LRP1B: variants seen among roughly 807,000 people sequenced by gnomAD.
The protein encoded by LRP1B is LDL receptor related protein 1B.
A neutral mutation model predicts 556.6 loss-of-function variants in LRP1B; 217 were observed. The ratio of observed to expected loss-of-function variants is 0.39; its 90% confidence interval spans 0.35 to 0.44. The LOEUF is 0.44. LRP1B is among the 20% of genes least tolerant of loss of function. The pLI, the probability that LRP1B is intolerant of heterozygous loss-of-function variation, is 1.00. For missense variants in LRP1B, 5,053 were observed against 5,620.8 expected, an observed-to-expected ratio of 0.90 and a Z score of 3.23; for synonymous variants, 2,047 against 1,865.8, an observed-to-expected ratio of 1.10 and a Z score of -2.50.
chr2:141,623,517 C>A (rs355583), intron 2 of LRP1B, among the ~76,000 whole-genome samples: 5,166 of 152,236 alleles, frequency 0.034, 163 homozygotes, highest in South Asian at 0.15. Context: ...GCAATCCCCA[C>A]TGTTCTCAAG....
chr2:140,562,853 C>A (rs2380886), intron 43 of LRP1B, among the ~76,000 whole-genome samples: 1 of 151,728 alleles, frequency 6.6e-6, no homozygotes, highest in Non-Finnish European at 1.5e-5. Flanking sequence ...TGGCCTCAAA[C>A]GATCTGTCTG....
intron 86 of LRP1B, among the ~76,000 whole-genome samples, chr2:140,252,160 G>T (rs1456566254): frequency 7.0e-6 from 1 of 143,856 alleles, no homozygotes; most frequent in Admixed American, 7.2e-5. Context: ...TTATTCATCT[G>T]CTTAATTTTA....
chr2:141,389,975 TA>T (rs890528523), intron 3 of LRP1B, among the ~76,000 whole-genome samples: 1 of 152,018 alleles, frequency 6.6e-6, no homozygotes, highest in African/African-American at 2.4e-5. Flanking sequence ...CCGTCTCTAC[TA>T]AAAATATGAA....
chr2:141,534,760 T>C (rs1255923732), intron 2 of LRP1B, among the ~76,000 whole-genome samples: 1 of 152,214 alleles, frequency 6.6e-6, no homozygotes, highest in Non-Finnish European at 1.5e-5. Context: ...GGAAATGTTG[T>C]ACTGCATTTT....
intron 41 of LRP1B, among the ~76,000 whole-genome samples, chr2:140,604,221 T>C (rs1011706221): frequency 8.1e-6 from 1 of 124,074 alleles, no homozygotes; most frequent in Non-Finnish European, 1.7e-5. Context: ...CCTCATGCAC[T>C]TGCCAAGAAA....
At chr2:141,417,235 TA>T (rs1298941791) in intron 3 of LRP1B, among the ~76,000 whole-genome samples, 4 of 152,186 alleles carry the variant, frequency 2.6e-5, no homozygotes, top group Admixed American at 1.3e-4. Context: ...TTATTGTGGT[TA>T]AAAAAACTCA....
intron 3 of LRP1B, among the ~76,000 whole-genome samples, chr2:141,334,243 G>T (rs193237877): frequency 1.3e-5 from 2 of 152,270 alleles, no homozygotes; most frequent in East Asian, 3.9e-4. Context: ...GAAGTGACTG[G>T]ATCATGTGGG....
At chr2:141,660,438 G>A (rs1490949342) in intron 2 of LRP1B, among the ~76,000 whole-genome samples, 1 of 152,118 alleles carries the variant, frequency 6.6e-6, no homozygotes, top group African/African-American at 2.4e-5. Flanking sequence ...TTCTCAGGGA[G>A]TGGGGCGGCA....
At chr2:140,548,469 C>A (rs970968155) in intron 43 of LRP1B, among the ~76,000 whole-genome samples, 1 of 152,090 alleles carries the variant, frequency 6.6e-6, no homozygotes, top group Non-Finnish European at 1.5e-5. Context: ...CTCCATATCC[C>A]AACCCCCTCC....
rs540977111 is a variant in LRP1B, at chr2:140,382,618, C to T, written c.10531+3275G>A. Among the ~76,000 whole-genome samples the T allele has an allele frequency of 2.6e-5, 4 of 152,068 alleles. No individual in the cohort carries two copies. The South Asian group carries it at 8.3e-4, about 32-fold the overall frequency. ...ATAAAATGACAATGAACTAATTATC[C>T]TATGTATATATAAAAATATAGAAAG... On this transcript the variant is annotated intron_variant, in intron 67 of 90. Transcript: ENST00000389484.
At chr2:141,721,388 T>C (rs1177088470) in intron 2 of LRP1B, among the ~76,000 whole-genome samples, 1 of 152,156 alleles carries the variant, frequency 6.6e-6, no homozygotes. Context: ...CTAATAGTGG[T>C]TGAATTCGTA....
chr2:141,760,001 C>T (rs1185906211), intron 2 of LRP1B, among the ~76,000 whole-genome samples: 11 of 152,158 alleles, frequency 7.2e-5, no homozygotes, highest in East Asian at 3.9e-4. Flanking sequence ...TGGTTGCGTG[C>T]GTCTATAATC....
At chr2:140,869,439 C>G (rs1446065325) in intron 25 of LRP1B, among the ~76,000 whole-genome samples, 1 of 152,050 alleles carries the variant, frequency 6.6e-6, no homozygotes, top group Non-Finnish European at 1.5e-5. Context: ...AGTGATGAGA[C>G]AGTATATCTG....
At chr2:141,222,538 C>A (rs1282818280) in intron 6 of LRP1B, among the ~76,000 whole-genome samples, 2 of 152,112 alleles carry the variant, frequency 1.3e-5, no homozygotes, top group South Asian at 2.1e-4. Flanking sequence ...ATGTGGCTAG[C>A]ATTATCCAGA....
chr2:141,002,616 A>T (rs1272809333), intron 15 of LRP1B, among the ~76,000 whole-genome samples: 4 of 152,078 alleles, frequency 2.6e-5, no homozygotes, highest in Non-Finnish European at 1.5e-5. Context: ...TTTCCATACT[A>T]TATTGCTTAG....
At chr2:141,096,424 C>CA (rs1350016728) in intron 7 of LRP1B, among the ~76,000 whole-genome samples, 1 of 151,880 alleles carries the variant, frequency 6.6e-6, no homozygotes, top group Non-Finnish European at 1.5e-5. Context: ...CCCGTCTCTA[C>CA]AAAAAATACA....
intron 2 of LRP1B, among the ~76,000 whole-genome samples, chr2:141,728,343 T>C (rs1468339920): frequency 6.7e-6 from 1 of 148,956 alleles, no homozygotes; most frequent in East Asian, 2.0e-4. Context: ...AGAGCAGCCG[T>C]GCCTCCCTTG....
At chr2:142,050,692 T>G (rs1032242946) in intron 1 of LRP1B, among the ~76,000 whole-genome samples, 4 of 152,032 alleles carry the variant, frequency 2.6e-5, no homozygotes, top group Non-Finnish European at 5.9e-5. Flanking sequence ...ATTGAACGAG[T>G]AGCTTATATG....
intron 41 of LRP1B, among the ~76,000 whole-genome samples, chr2:140,661,187 C>T (rs1685079099): frequency 6.6e-6 from 1 of 152,044 alleles, no homozygotes; most frequent in South Asian, 2.1e-4. Flanking sequence ...TCAGTTTAGC[C>T]ATTAATTTGT....
Sources: gnomAD v4.1 joint callset for allele counts (sites outside exome capture counted in the v4.1 genomes callset) on GRCh38, gnomAD v4.1.1 for gene constraint, MANE v1.5 for transcripts, NCBI Gene and HGNC (gene_info 2026-07-23, HGNC 2026-07-21) for gene names.